TMEM131L: variants seen among roughly 807,000 people sequenced by gnomAD.
TMEM131L encodes transmembrane 131 like, also known as transmembrane protein 131-like.
Under a neutral mutation model 192.2 loss-of-function variants are expected in TMEM131L, and 54 were observed. The observed-to-expected ratio is 0.28, with a 90% confidence interval of 0.23 to 0.35. The LOEUF is 0.35. Ranked by LOEUF, TMEM131L falls within the 10% of genes least tolerant of loss-of-function variation. The pLI is 1.00. For missense variants in TMEM131L, 1,888 were observed against 1,972.9 expected (o/e 0.96, Z 0.82); for synonymous variants, 701 against 704.9 (o/e 0.99, Z 0.09).
chr4:153,531,887 C>T (rs1364659415), intron 3 of TMEM131L, among the ~76,000 whole-genome samples: 11 of 152,122 alleles, frequency 7.2e-5, no homozygotes, highest in Admixed American at 7.2e-4. Context: ...ATTCTATTTC[C>T]CCACCTCTCC....
intron 7 of TMEM131L, among the ~76,000 whole-genome samples, chr4:153,561,258 G>A (rs1418916736): frequency 6.6e-6 from 1 of 152,136 alleles, no homozygotes; most frequent in African/African-American, 2.4e-5. Context: ...AGTAGTAAAT[G>A]TATTAAATTC....
chr4:153,478,478 G>C (rs1322042566), intron 3 of TMEM131L, among the ~76,000 whole-genome samples: 1 of 152,168 alleles, frequency 6.6e-6, no homozygotes, highest in Admixed American at 6.5e-5. Flanking sequence ...CCCTCACCCA[G>C]TGAACCCTAA....
chr4:153,588,527 C>A (rs1265451040), intron 15 of TMEM131L, among the ~76,000 whole-genome samples: 1 of 150,766 alleles, frequency 6.6e-6, no homozygotes, highest in Admixed American at 6.6e-5. Context: ...TAGATAGTGA[C>A]CTGGAAGACT....
chr4:153,547,826 T>TTAG (rs1286245623), intron 3 of TMEM131L, among the ~76,000 whole-genome samples: 2 of 152,234 alleles, frequency 1.3e-5, no homozygotes, highest in African/African-American at 4.8e-5. Flanking sequence ...GCTCTGCCTT[T>TTAG]TAGTAGCTAT....
At chr4:153,601,982 T>C (rs1731870036) in intron 21 of TMEM131L, 170 bp from the exon 22 acceptor site, 2 of 483,494 alleles carry the variant, frequency 4.1e-6, no homozygotes, top group Non-Finnish European at 7.1e-6. Flanking sequence ...AATCTATAAT[T>C]GTTCTAGAAA....
chr4:153,523,352 G>A (rs1735248681), intron 3 of TMEM131L, among the ~76,000 whole-genome samples: 3 of 152,188 alleles, frequency 2.0e-5, no homozygotes. Flanking sequence ...TCTATAAGAC[G>A]TGAGATTAGG....
intron 29 of TMEM131L, among the ~76,000 whole-genome samples, 162 bp from the exon 30 acceptor site, chr4:153,625,985 A>G (rs1733817473): frequency 6.6e-6 from 1 of 152,254 alleles, no homozygotes. Context: ...GTATAATTGC[A>G]CGATTCATGT....
intron 3 of TMEM131L, among the ~76,000 whole-genome samples, chr4:153,530,246 T>C (rs7668574): frequency 0.015 from 2,241 of 152,300 alleles, 48 homozygotes; most frequent in African/African-American, 0.05. Flanking sequence ...ATTAGTATAC[T>C]TAAACTGATA....
chr4:153,623,894 T>C (rs904523999), intron 29 of TMEM131L, among the ~76,000 whole-genome samples: 24 of 150,562 alleles, frequency 1.6e-4, no homozygotes, highest in Admixed American at 2.0e-4. Flanking sequence ...AATTTTGCCA[T>C]ATTTGCTTTT....
Position 153,587,798 on chromosome 4 carries a change from A to T in TMEM131L, c.1539A>T (p.Gly513=). ...ATTGTGGCATGCATTATTTCATGGG[A>T]AAATCAAAAGCAGGTAAGTATTTTG... The part of the protein sequence containing the change: ...IAHCGMHYFM[G]KSKAGNPNWN... The change falls in exon 15 of 35, where the codon GGA becomes GGT. Residue 513 remains glycine, a synonymous_variant. Transcript: ENST00000409959. The T allele has an allele frequency of 6.2e-7, 1 of 1,612,856 alleles. No homozygotes were observed. The highest frequency in any genetic ancestry group is 8.5e-7 in the Non-Finnish European group (1 of 1,178,878).
chr4:153,570,090 G>T (rs1349096908), intron 7 of TMEM131L, among the ~76,000 whole-genome samples: 1 of 152,104 alleles, frequency 6.6e-6, no homozygotes, highest in Non-Finnish European at 1.5e-5. Context: ...CTACAGGCTG[G>T]ATTTGTTCTT....
At chr4:153,478,395 G>A (rs1008924657) in intron 3 of TMEM131L, among the ~76,000 whole-genome samples, 1 of 152,142 alleles carries the variant, frequency 6.6e-6, no homozygotes, top group Non-Finnish European at 1.5e-5. Context: ...ACTTTGAAAA[G>A]AAAACTTTTG....
chr4:153,558,382 A>T lies in TMEM131L; in HGVS notation c.660+14A>T. ...TCTCAAATGCAGGTCATTTTAATAGATTTACTTTGAATGCTGGTGGCCACC... is the reference window on the plus strand; with the variant it reads ...TCTCAAATGCAGGTCATTTTAATAGTTTTACTTTGAATGCTGGTGGCCACC... On this transcript the variant is annotated intron_variant, in intron 7 of 34. Coordinates refer to ENST00000409959, the MANE Select transcript of TMEM131L (RefSeq NM_001131007.2). 6.7e-7 allele frequency: 1 copy of T among 1,497,460 alleles called. No individual in the cohort carries two copies. The highest frequency in any genetic ancestry group is 2.3e-5 in the East Asian group (1 of 43,860). The allele number at this position is 1,497,460 out of a possible 1,614,324, so 92.8% of individuals were successfully genotyped here.
chr4:153,516,375 A>G (rs1384057500), intron 3 of TMEM131L, among the ~76,000 whole-genome samples: 1 of 152,110 alleles, frequency 6.6e-6, no homozygotes, highest in Admixed American at 6.5e-5. Context: ...AACTAGAGGC[A>G]TGCACCACTG....
chr4:153,567,040 C>T (rs1729254753), intron 7 of TMEM131L, among the ~76,000 whole-genome samples: 1 of 152,210 alleles, frequency 6.6e-6, no homozygotes, highest in African/African-American at 2.4e-5. Flanking sequence ...AAGTTGTTAC[C>T]TGCTACTTGC....
chr4:153,551,779 A>G (rs887261964), intron 4 of TMEM131L, among the ~76,000 whole-genome samples: 14 of 152,188 alleles, frequency 9.2e-5, no homozygotes, highest in African/African-American at 2.7e-4. Context: ...TTGAGTTTTT[A>G]TATTTTTACT....
At chr4:153,475,657 C>T (rs1731479514) in intron 3 of TMEM131L, among the ~76,000 whole-genome samples, 1 of 151,432 alleles carries the variant, frequency 6.6e-6, no homozygotes, top group South Asian at 2.1e-4. Context: ...TTCGTGGATT[C>T]AACAAACTGT....
chr4:153,622,763 C>T (rs182139030), intron 28 of TMEM131L, 135 bp from the exon 29 acceptor site: 11 of 811,396 alleles, frequency 1.4e-5, no homozygotes, highest in African/African-American at 1.0e-4. Flanking sequence ...ATGAACTCCT[C>T]CTTTCTTGCT....
intron 3 of TMEM131L, among the ~76,000 whole-genome samples, chr4:153,478,905 A>C (rs1413417388): frequency 6.6e-6 from 1 of 152,208 alleles, no homozygotes; most frequent in Non-Finnish European, 1.5e-5. Flanking sequence ...AGTTAATAGA[A>C]GAGCACCATT....
Sources: allele counts gnomAD v4.1 joint callset (sites outside exome capture counted in the v4.1 genomes callset), GRCh38; gene constraint gnomAD v4.1.1; transcripts MANE v1.5; gene names NCBI Gene and HGNC (gene_info 2026-07-23, HGNC 2026-07-21).